INTU: variants seen among roughly 807,000 people sequenced by gnomAD.
INTU encodes inturned planar cell polarity protein.
In INTU, 68 loss-of-function variants were observed where a neutral mutation model predicts 100.5. The ratio of observed to expected loss-of-function variants is 0.68; its 90% confidence interval spans 0.56 to 0.83. The LOEUF (loss-of-function observed/expected upper bound fraction) is 0.83, where lower values mean the gene tolerates loss of function less well. Ranked by LOEUF, INTU falls within the 40% of genes least tolerant of loss-of-function variation. The pLI is 0.00. For missense variants in INTU, 1,071 were observed against 1,114.7 expected (o/e 0.96, Z 0.56); for synonymous variants, 357 against 395.7 (o/e 0.90, Z 1.16).
At chr4:127,639,368 C>T (rs1353888898) in intron 1 of INTU, among the ~76,000 whole-genome samples, 1 of 152,096 alleles carries the variant, frequency 6.6e-6, no homozygotes, top group East Asian at 1.9e-4. Flanking sequence ...ATACTCTGTT[C>T]TCTGGAAGAG....
At chr4:127,711,862 T>TTTGG (rs1258547072) in intron 14 of INTU, among the ~76,000 whole-genome samples, 2 of 152,156 alleles carry the variant, frequency 1.3e-5, no homozygotes, top group South Asian at 4.1e-4. Context: ...TTTTTTGGCA[T>TTTGG]TTGGTTGGTT....
At chr4:127,684,178 G>C (rs1465320152) in intron 6 of INTU, among the ~76,000 whole-genome samples, 1 of 152,140 alleles carries the variant, frequency 6.6e-6, no homozygotes, top group African/African-American at 2.4e-5. Flanking sequence ...ACAGTTACAT[G>C]ATTTACAAAT....
intron 3 of INTU, among the ~76,000 whole-genome samples, chr4:127,658,005 C>G (rs914687096): frequency 5.9e-5 from 9 of 152,028 alleles, no homozygotes; most frequent in African/African-American, 2.2e-4. Flanking sequence ...ACCCATCAGG[C>G]AGTGAGAGGA....
Position 127,705,694 on chromosome 4 carries a change from G to T in INTU, c.1670G>T (p.Gly557Val), listed in dbSNP as rs760429369. The T allele has an allele frequency of 3.7e-6, 6 of 1,613,852 alleles. No homozygotes were observed. The African/African-American group carries it at 8.0e-5, about 22-fold the overall frequency. ...CCTTTAGCAGCAAAACAAAGAATTGGTCAGTTGATCATATGGAGAGAAGTG... is the reference window on the plus strand; with the variant it reads ...CCTTTAGCAGCAAAACAAAGAATTGTTCAGTTGATCATATGGAGAGAAGTG... ...LLPLAAKQRI[G>V]QLIIWREVFP... Residue 557 changes from glycine (G) to valine (V), a missense_variant, in exon 11 of 16, where the codon GGT becomes GTT. Physicochemically the swap from Gly to Val is moderately radical, Grantham distance 109. Coordinates refer to ENST00000335251, the MANE Select transcript of INTU (RefSeq NM_015693.4).
intron 8 of INTU, among the ~76,000 whole-genome samples, chr4:127,691,974 A>G (rs1327814351): frequency 7.0e-6 from 1 of 142,372 alleles, no homozygotes; most frequent in Non-Finnish European, 1.5e-5. Flanking sequence ...ATATATATAT[A>G]TATATATGTC....
chr4:127,693,110 G>A (rs1730225715), intron 8 of INTU, among the ~76,000 whole-genome samples: 1 of 152,066 alleles, frequency 6.6e-6, no homozygotes, highest in African/African-American at 2.4e-5. Flanking sequence ...TTCTAGTTAT[G>A]TGAAGAATGA....
chr4:127,656,126 A>G (rs1228565219), intron 2 of INTU, among the ~76,000 whole-genome samples: 1 of 151,922 alleles, frequency 6.6e-6, no homozygotes, highest in Non-Finnish European at 1.5e-5. Flanking sequence ...ACTGTCTGGT[A>G]CTCCCTAGTG....
At chr4:127,653,861 C>G (rs1728036734) in intron 2 of INTU, among the ~76,000 whole-genome samples, 1 of 151,726 alleles carries the variant, frequency 6.6e-6, no homozygotes, top group South Asian at 2.1e-4. Flanking sequence ...GAGTCTAAGT[C>G]TCTTTGTAGG....
At position 127,640,584 on chromosome 4, in the gene INTU, TATATATACATATAC is replaced by T. The variant is rs1368876266; in HGVS notation, c.147-2933_147-2920del. 1.0e-3 allele frequency among the ~76,000 whole-genome samples: 38 copies of T among 36,664 alleles called. 1 individual carries two copies. Among genetic ancestry groups the T allele is most frequent in the African/African-American group, 3.3e-3 (37 of 11,192 alleles). The allele number at this position is 36,664 out of a possible 152,430, so 24.1% of individuals were successfully genotyped here. A position where few individuals can be genotyped will look rare whatever the true frequency, so the allele number is the denominator to read the frequency against. ...ATATATATATATATATATATATATA[TATATATACATATAC>T]ATAAACACACATGTGTATATTGATG... On this transcript the variant is annotated intron_variant, in intron 1 of 15. Coordinates refer to ENST00000335251, the MANE Select transcript of INTU (RefSeq NM_015693.4).
chr4:127,684,565 G>A, intron 7 of INTU, 79 bp downstream of exon 7: 1 of 802,064 alleles, frequency 1.2e-6, no homozygotes, highest in Non-Finnish European at 2.0e-6. Flanking sequence ...ACCATTTCTT[G>A]CTTGACAGGT....
chr4:127,658,981 C>T (rs1352617236), intron 3 of INTU, among the ~76,000 whole-genome samples: 1 of 152,014 alleles, frequency 6.6e-6, no homozygotes, highest in Non-Finnish European at 1.5e-5. Context: ...GATTATCATG[C>T]ATTAGATTAT....
At chr4:127,707,392 C>CAA (rs71587331) in intron 12 of INTU, among the ~76,000 whole-genome samples, 654 of 44,242 alleles carry the variant, frequency 0.015, 48 homozygotes, top group Non-Finnish European at 0.016. Flanking sequence ...GACTCTGTCT[C>CAA]AAAAAAAAAA....
chr4:127,641,891 G>T (rs1190461605), intron 1 of INTU, among the ~76,000 whole-genome samples: 1 of 152,058 alleles, frequency 6.6e-6, no homozygotes, highest in African/African-American at 2.4e-5. Flanking sequence ...AGATTGAAAT[G>T]AATCATCTTC....
chr4:127,702,481 T>A (rs1306272505), intron 9 of INTU, among the ~76,000 whole-genome samples: 1 of 152,122 alleles, frequency 6.6e-6, no homozygotes, highest in Non-Finnish European at 1.5e-5. Context: ...CAAAACAAAT[T>A]CTGGTATATC....
In INTU at chr4:127,691,968, A is replaced by G. The variant is rs529850815; in HGVS notation, c.1449+4101A>G. Reference sequence around the variant, plus strand: ...GTATAGTGTTCCATGGTATGTATATATATATATATATATGTCACATTTTCT... The same window carrying G: ...GTATAGTGTTCCATGGTATGTATATGTATATATATATATGTCACATTTTCT... On this transcript the variant is annotated intron_variant, in intron 8 of 15. Coordinates refer to ENST00000335251, the MANE Select transcript of INTU (RefSeq NM_015693.4). Among the ~76,000 whole-genome samples the G allele has an allele frequency of 7.1e-4, 96 of 136,114 alleles. 8 individuals are homozygous for G. The highest frequency in any genetic ancestry group is 1.3e-3 in the African/African-American group (42 of 33,350). 89.3% of individuals were successfully genotyped at this position (136,114 alleles called of 152,430 possible). A position where few individuals can be genotyped will look rare whatever the true frequency, so the allele number is the denominator to read the frequency against.
At chr4:127,670,460 T>A (rs1285257360) in intron 5 of INTU, among the ~76,000 whole-genome samples, 4 of 152,020 alleles carry the variant, frequency 2.6e-5, no homozygotes, top group African/African-American at 4.8e-5. Flanking sequence ...GTTAGTTTAT[T>A]TTCAATACAG....
In INTU at chr4:127,720,581, A is replaced by G. The variant is rs1467350346; in HGVS notation, c.*4145A>G. On this transcript the variant is annotated 3_prime_UTR_variant, in exon 16 of 16. Transcript: ENST00000335251. ...GATCTAATATTGACAGTGGGGTGTTAAAGTCTCCCACTATTATTGTGTGGA... is the reference window on the plus strand; with the variant it reads ...GATCTAATATTGACAGTGGGGTGTTGAAGTCTCCCACTATTATTGTGTGGA... 6.6e-6 allele frequency: 1 copy of G among 152,206 alleles called. No individual in the cohort carries two copies. The highest frequency in any genetic ancestry group is 1.5e-5 in the Non-Finnish European group (1 of 68,022). The allele number at this position is 152,206 out of a possible 1,614,324, so 9.4% of individuals were successfully genotyped here.
rs535690602 is a variant in INTU, at chr4:127,707,840, G to A, written c.2272-731G>A. Among the ~76,000 whole-genome samples, 19 of 152,214 alleles carry A rather than the reference G, an allele frequency of 1.2e-4. No individual in the cohort carries two copies. In the South Asian group the frequency reaches 3.9e-3, roughly 32 times the overall value. The stretch of plus-strand genomic sequence containing the variant: ...ATTATCAAAACATTCACCCTGGGAG[G>A]CTTTGTACTTATTCTAGTGATGCTG... On this transcript the variant is annotated intron_variant, in intron 12 of 15. Coordinates refer to ENST00000335251, the MANE Select transcript of INTU (RefSeq NM_015693.4).
rs770757870 is a variant in INTU at position 127,643,964 on chromosome 4, G to A, written c.590G>A (p.Arg197Lys). ...ATTCATCAGACCAAGTGGAGCTGGA[G>A]AAGAACCGGAAAGCAGGGTGATGGA... Reference protein sequence around the residue: ...GIIHQTKWSWRRTGKQGDGER... With the variant: ...GIIHQTKWSWKRTGKQGDGER... Residue 197 changes from arginine to lysine, a missense_variant, in exon 2 of 16, where the codon AGA becomes AAA. By Grantham distance (26) the Arg-to-Lys change is conservative. Transcript: ENST00000335251. 1.1e-5 allele frequency: 17 copies of A among 1,614,190 alleles called. No homozygotes were observed. The Admixed American group carries it at 2.5e-4, about 24-fold the overall frequency.
Sources: allele counts gnomAD v4.1 joint callset (sites outside exome capture counted in the v4.1 genomes callset), GRCh38; gene constraint gnomAD v4.1.1; transcripts MANE v1.5; gene names NCBI Gene and HGNC (gene_info 2026-07-23, HGNC 2026-07-21).